Variants in RUFY2 observed in about 807,000 individuals in gnomAD.
The protein encoded by RUFY2 is RUN and FYVE domain-containing protein 2.
In RUFY2, 49 loss-of-function variants were observed where a neutral mutation model predicts 94.4. The ratio of observed to expected loss-of-function variants is 0.52; its 90% CI spans 0.41 to 0.66. RUFY2 has a LOEUF of 0.66. Ranked by LOEUF, RUFY2 falls within the 30% of genes least tolerant of loss-of-function variation. RUFY2 has a pLI of 0.00. For synonymous variants in RUFY2, 255 were observed against 235.7 expected (o/e 1.08, Z -0.75); for missense variants, 541 against 692.8 (o/e 0.78, Z 2.46).
intron 12 of RUFY2, 120 bp downstream of exon 12, chr10:68,379,304 A>T: frequency 1.3e-6 from 1 of 749,056 alleles, no homozygotes; most frequent in Non-Finnish European, 2.1e-6. Flanking sequence ...TGCTGGGCTT[A>T]AACAAAAAAC....
intron 2 of RUFY2, among the ~76,000 whole-genome samples, chr10:68,402,806 G>A (rs996629767): frequency 1.4e-5 from 2 of 144,028 alleles, no homozygotes; most frequent in Non-Finnish European, 3.0e-5. Context: ...TGATACAGAT[G>A]TCTATGTAAA....
intron 7 of RUFY2, among the ~76,000 whole-genome samples, chr10:68,392,095 G>A (rs981814006): frequency 6.6e-6 from 1 of 150,652 alleles, no homozygotes; most frequent in East Asian, 2.0e-4. Flanking sequence ...GCAATGGCAC[G>A]ATCTCGACTC....
intron 13 of RUFY2, among the ~76,000 whole-genome samples, chr10:68,365,000 C>T (rs1369057224): frequency 6.6e-6 from 1 of 151,668 alleles, no homozygotes; most frequent in African/African-American, 2.4e-5. Context: ...TATCTACTAA[C>T]AATACTACAG....
At chr10:68,359,829 G>A (rs995083002) in intron 15 of RUFY2, among the ~76,000 whole-genome samples, 6 of 150,194 alleles carry the variant, frequency 4.0e-5, no homozygotes, top group African/African-American at 1.2e-4. Context: ...TTTAAACACT[G>A]ACTATTCTTC....
intron 11 of RUFY2, among the ~76,000 whole-genome samples, chr10:68,379,908 C>T (rs770176553): frequency 1.3e-5 from 2 of 151,266 alleles, no homozygotes; most frequent in African/African-American, 4.9e-5. Flanking sequence ...CTCAGGTTCA[C>T]GCCATTCTCC....
At chr10:68,376,440 GTGTATA>G (rs1228468153) in intron 13 of RUFY2, among the ~76,000 whole-genome samples, 2,131 of 48,202 alleles carry the variant, frequency 0.044, 129 homozygotes, top group South Asian at 0.075. Context: ...AAAAAAATGT[GTGTATA>G]TATATATATA....
At chr10:68,379,549 G>A (rs1211477175) in intron 11 of RUFY2, 28 bp from the exon 12 acceptor site, 12 of 1,517,016 alleles carry the variant, frequency 7.9e-6, no homozygotes, top group Admixed American at 1.8e-5. Context: ...AGCTATGGTG[G>A]TTTTGATTTG....
In RUFY2 at chr10:68,371,086, C is replaced by T. The variant is rs530169071; in HGVS notation, c.1325+5767G>A. Among the ~76,000 whole-genome samples the T allele has an allele frequency of 1.6e-4, 24 of 148,800 alleles. No homozygotes were observed. The South Asian group carries it at 4.5e-3, about 28-fold the overall frequency. ...GGCGGAGCTTGCAGTGAGCTGAGAC[C>T]GCGCCACTGCACTCCAGCCTGGGTG... On this transcript the variant is annotated intron_variant, in intron 13 of 17. Transcript: ENST00000602465.
At chr10:68,396,443 C>T (rs964633909) in intron 4 of RUFY2, among the ~76,000 whole-genome samples, 35 of 150,944 alleles carry the variant, frequency 2.3e-4, no homozygotes, top group African/African-American at 7.8e-4. Context: ...ATAGAATTAA[C>T]CATATTCAGA....
intron 13 of RUFY2, among the ~76,000 whole-genome samples, chr10:68,376,442 G>GTGTATATATATATATA (rs1277502418): frequency 3.6e-5 from 1 of 27,934 alleles, no homozygotes; most frequent in African/African-American, 7.4e-5. Context: ...AAAAATGTGT[G>GTGTATATATATATATA]TATATATATA....
intron 15 of RUFY2, among the ~76,000 whole-genome samples, chr10:68,362,782 GA>G (rs952440869): frequency 5.7e-4 from 79 of 138,160 alleles, no homozygotes; most frequent in Admixed American, 5.9e-4. Flanking sequence ...CCCTGTCTTT[GA>G]AAAAAAAAAA....
At position 68,363,698 on chromosome 10, in the gene RUFY2, A is replaced by G. The variant is rs1589822894; in HGVS notation, c.1456-14T>C. Reference sequence around the variant, plus strand: ...GTTAAGGAACTCCTTCAGAACAATAAAAGACAGAAAATGAAATTTAAAAGA... The same window carrying G: ...GTTAAGGAACTCCTTCAGAACAATAGAAGACAGAAAATGAAATTTAAAAGA... On this transcript the variant is annotated splice_polypyrimidine_tract_variant and intron_variant, in intron 14 of 17. Transcript: ENST00000602465. The G allele has an allele frequency of 6.8e-7, 1 of 1,474,862 alleles. No individual in the cohort carries two copies. Among genetic ancestry groups the G allele is most frequent in the East Asian group, 2.3e-5 (1 of 43,894 alleles). The allele number at this position is 1,474,862 out of a possible 1,614,324, so 91.4% of individuals were successfully genotyped here. A position where few individuals can be genotyped will look rare whatever the true frequency, so the allele number is the denominator to read the frequency against.
Position 68,381,399 on chromosome 10 carries a change from C to G in RUFY2, c.940G>C (p.Asp314His). 2.5e-6 allele frequency: 4 copies of G among 1,606,390 alleles called. No homozygotes were observed. Among genetic ancestry groups the G allele is most frequent in the South Asian group, 1.1e-5 (1 of 88,860 alleles). ...TGTACTGCTAGCTCATTCTCTACAT[C>G]CTGCAATTTCAATGTATCCTCAATT... The part of the protein sequence containing the change: ...QLRDESQLRQ[D>H]VENELAVQVS... The change falls in exon 11 of 18, where the codon GAT becomes CAT. Residue 314 changes from aspartate (D) to histidine (H), a missense_variant and splice_region_variant. This residue lies in a region of RUFY2 where 403 missense variants were observed against 480.7 expected (regional missense o/e 0.84). Transcript: ENST00000602465.
chr10:68,400,852 A>C (rs2050783142), intron 3 of RUFY2, among the ~76,000 whole-genome samples: 1 of 151,684 alleles, frequency 6.6e-6, no homozygotes, highest in Non-Finnish European at 1.5e-5. Flanking sequence ...CTCTACTAAA[A>C]ATACAAAAAA....
intron 13 of RUFY2, among the ~76,000 whole-genome samples, chr10:68,376,652 T>C (rs555723449): frequency 6.6e-6 from 1 of 151,008 alleles, no homozygotes; most frequent in African/African-American, 2.4e-5. Context: ...GAGTTGAAAG[T>C]ACTCTGTAAA....
chr10:68,402,471 C>T (rs1021702873), intron 2 of RUFY2, among the ~76,000 whole-genome samples: 9 of 151,992 alleles, frequency 5.9e-5, no homozygotes, highest in African/African-American at 1.7e-4. Flanking sequence ...GAAAAGCACA[C>T]GCACAAAGTA....
intron 15 of RUFY2, 77 bp from the exon 16 acceptor site, chr10:68,355,478 G>C: frequency 1.2e-6 from 1 of 857,634 alleles, no homozygotes; most frequent in Non-Finnish European, 1.9e-6. Flanking sequence ...AGTAGGTATT[G>C]GTATTTCATA....
chr10:68,349,955 T>C (rs1349210117), intron 16 of RUFY2, among the ~76,000 whole-genome samples: 2 of 151,904 alleles, frequency 1.3e-5, no homozygotes, highest in Non-Finnish European at 2.9e-5. Context: ...GCAGAAAAAA[T>C]ATCCCCCAGA....
intron 3 of RUFY2, among the ~76,000 whole-genome samples, chr10:68,397,217 C>T (rs1165503938): frequency 6.6e-6 from 1 of 152,194 alleles, no homozygotes; most frequent in Non-Finnish European, 1.5e-5. Context: ...CACACCTATG[C>T]TATATAGTAT....
Sources: gnomAD v4.1 joint callset for allele counts (sites outside exome capture counted in the v4.1 genomes callset) on GRCh38, gnomAD v4.1.1 for gene constraint, gnomAD v4.1.1 regional missense constraint, MANE v1.5 for transcripts, NCBI Gene and HGNC (gene_info 2026-07-23, HGNC 2026-07-21) for gene names.